Variants in TENM3 observed in about 807,000 individuals in gnomAD.
TENM3 encodes teneurin-3.
A neutral mutation model predicts 255.1 loss-of-function variants in TENM3; 63 were observed. The observed-to-expected ratio is 0.25, with a 90% CI of 0.20 to 0.30. The LOEUF (loss-of-function observed/expected upper bound fraction) is 0.30, where lower values mean the gene tolerates loss of function less well. Ranked by LOEUF, TENM3 falls within the 10% of genes least tolerant of loss-of-function variation. The probability of loss-of-function intolerance (pLI) is 1.00; values close to 1 mark genes in which losing one functional copy is unlikely to be tolerated. For missense variants in TENM3, 2,929 were observed against 3,461.1 expected, an observed-to-expected ratio of 0.85 and a Z score of 3.86; for synonymous variants, 1,306 against 1,322.3, an observed-to-expected ratio of 0.99 and a Z score of 0.27.
At chr4:181,838,734 T>G in the TENM3 span, among the ~76,000 whole-genome samples, 1 of 152,128 alleles carries the variant, frequency 6.6e-6, no homozygotes, top group Non-Finnish European at 1.5e-5. Flanking sequence ...TTCTTATTTT[T>G]AAAATTTTAA....
chr4:181,962,875 G>T, the TENM3 span, among the ~76,000 whole-genome samples: 1 of 152,114 alleles, frequency 6.6e-6, no homozygotes, highest in Non-Finnish European at 1.5e-5. Context: ...TAAATAAATG[G>T]TACGTAAAAT....
intron 3 of TENM3, among the ~76,000 whole-genome samples, chr4:182,453,824 C>T (rs1773667545): frequency 6.6e-6 from 1 of 151,992 alleles, no homozygotes; most frequent in African/African-American, 2.4e-5. Context: ...CATTGTTAAC[C>T]TTTTATAATT....
chr4:181,710,960 T>A, the TENM3 span, among the ~76,000 whole-genome samples: 2 of 151,662 alleles, frequency 1.3e-5, no homozygotes, highest in Non-Finnish European at 2.9e-5. Context: ...TAATTGGCAA[T>A]CAGAGAAGGG....
chr4:181,894,651 T>C, the TENM3 span, among the ~76,000 whole-genome samples: 1 of 152,030 alleles, frequency 6.6e-6, no homozygotes, highest in Non-Finnish European at 1.5e-5. Flanking sequence ...TGCAGAAGAT[T>C]TGATGTCTTG....
chr4:181,515,825 A>C, the TENM3 span, among the ~76,000 whole-genome samples: 2 of 152,134 alleles, frequency 1.3e-5, no homozygotes, highest in African/African-American at 4.8e-5. Flanking sequence ...ACAACATTTG[A>C]TACAGCAATC....
intron 16 of TENM3, 117 bp downstream of exon 16, chr4:182,731,256 A>G: frequency 9.2e-7 from 1 of 1,091,884 alleles, no homozygotes; most frequent in East Asian, 2.5e-5. Context: ...CTGTAATCCC[A>G]GCGCTTTGGG....
the TENM3 span, among the ~76,000 whole-genome samples, chr4:182,069,259 T>A: frequency 6.6e-6 from 1 of 152,222 alleles, no homozygotes; most frequent in Non-Finnish European, 1.5e-5. Context: ...GAGCTGAATA[T>A]TCCTATTTCC....
the TENM3 span, among the ~76,000 whole-genome samples, chr4:181,673,976 A>ATTTCT: frequency 1.3e-4 from 20 of 151,846 alleles, no homozygotes; most frequent in East Asian, 3.3e-3. Context: ...AGTATGGCGA[A>ATTTCT]TTTCTTTTCT....
chr4:181,565,459 A>G, the TENM3 span, among the ~76,000 whole-genome samples: 1 of 152,218 alleles, frequency 6.6e-6, no homozygotes, highest in South Asian at 2.1e-4. Context: ...AATTCTTGCC[A>G]AAAAAGTAAA....
intron 1 of TENM3, among the ~76,000 whole-genome samples, chr4:182,154,150 T>C (rs1388220354): frequency 6.6e-6 from 1 of 151,996 alleles, no homozygotes; most frequent in Non-Finnish European, 1.5e-5. Flanking sequence ...TTTTTTTTTT[T>C]CCTTAAAAGA....
chr4:182,372,618 C>A (rs1391194797), intron 3 of TENM3, among the ~76,000 whole-genome samples: 5 of 151,746 alleles, frequency 3.3e-5, no homozygotes, highest in Non-Finnish European at 7.4e-5. Context: ...TTTTAGTTTA[C>A]ATAGTAAATA....
chr4:182,696,089 CTACA>C (rs1218684119), intron 12 of TENM3, among the ~76,000 whole-genome samples: 5 of 152,134 alleles, frequency 3.3e-5, no homozygotes, highest in Non-Finnish European at 7.4e-5. Context: ...ATAGTCTACT[CTACA>C]GACATCACAA....
chr4:182,451,252 A>G (rs1381089571), intron 3 of TENM3, among the ~76,000 whole-genome samples: 1 of 152,218 alleles, frequency 6.6e-6, no homozygotes, highest in Non-Finnish European at 1.5e-5. Flanking sequence ...TTTCTTAGAT[A>G]GCAGTGGCCT....
At chr4:181,552,426 T>C in the TENM3 span, among the ~76,000 whole-genome samples, 1 of 152,338 alleles carries the variant, frequency 6.6e-6, no homozygotes, top group African/African-American at 2.4e-5. Flanking sequence ...TAGAAAGTGA[T>C]GGTGCAATAG....
chr4:182,050,099 TCTC>T, the TENM3 span, among the ~76,000 whole-genome samples: 1 of 151,966 alleles, frequency 6.6e-6, no homozygotes, highest in Non-Finnish European at 1.5e-5. Context: ...TTCAAGCAAT[TCTC>T]CTGCCTCAGC....
At position 182,800,565 on chromosome 4, in the gene TENM3, C is replaced by T. The variant is rs1766875235; in HGVS notation, c.*214C>T. On this transcript the variant is annotated 3_prime_UTR_variant, in exon 28 of 28. Coordinates refer to ENST00000511685, the MANE Select transcript of TENM3 (RefSeq NM_001080477.4). ...CGAATATGTTTACATATGCATAGCGCTGCACTCAGTCGGACTGAACGTAGC... is the reference window on the plus strand; with the variant it reads ...CGAATATGTTTACATATGCATAGCGTTGCACTCAGTCGGACTGAACGTAGC... The T allele has an allele frequency of 1.9e-6, 1 of 537,036 alleles. No individual in the cohort carries two copies. The highest frequency in any genetic ancestry group is 3.2e-6 in the Non-Finnish European group (1 of 314,308). The allele number at this position is 537,036 out of a possible 1,614,324, so 33.3% of individuals were successfully genotyped here. A position where few individuals can be genotyped will look rare whatever the true frequency, so the allele number is the denominator to read the frequency against.
the TENM3 span, among the ~76,000 whole-genome samples, chr4:181,520,146 C>T: frequency 6.6e-6 from 1 of 152,170 alleles, no homozygotes; most frequent in African/African-American, 2.4e-5. Flanking sequence ...GCCTAGCCAT[C>T]CTTAGAGAGA....
Position 182,439,476 on chromosome 4 carries a change from T to C in TENM3, c.511+92547T>C, listed in dbSNP as rs187154151. Among the ~76,000 whole-genome samples, 104 of 152,386 alleles carry C rather than the reference T, an allele frequency of 6.8e-4. 1 individual carries two copies. The highest frequency in any genetic ancestry group is 1.3e-3 in the Non-Finnish European group (86 of 68,038). Reference sequence around the variant, plus strand: ...ATAATGGAAATACGGTTTTCTACTTTAGTTTTAATCTAGGGATGTCCTGTG... The same window carrying C: ...ATAATGGAAATACGGTTTTCTACTTCAGTTTTAATCTAGGGATGTCCTGTG... On this transcript the variant is annotated intron_variant, in intron 3 of 27. Transcript: ENST00000511685.
the TENM3 span, among the ~76,000 whole-genome samples, chr4:181,814,496 G>A: frequency 5.9e-5 from 9 of 152,016 alleles, no homozygotes; most frequent in African/African-American, 2.2e-4. Context: ...AGAAGAGCTG[G>A]AAAATACAGT....
Sources: allele counts gnomAD v4.1 joint callset (sites outside exome capture counted in the v4.1 genomes callset), GRCh38; gene constraint gnomAD v4.1.1; transcripts MANE v1.5; gene names NCBI Gene and HGNC (gene_info 2026-07-23, HGNC 2026-07-21).